The following FAM118A variants were observed in gnomAD, a reference collection of about 807,000 sequenced individuals.
FAM118A encodes the protein protein FAM118A.
Under a neutral mutation model 38.2 loss-of-function variants are expected in FAM118A, and 25 were observed. The ratio of observed to expected loss-of-function variants is 0.65; its 90% CI spans 0.48 to 0.91. The LOEUF (loss-of-function observed/expected upper bound fraction) is 0.91, where lower values mean the gene tolerates loss of function less well. Ranked by LOEUF, FAM118A falls within the 40% of genes least tolerant of loss-of-function variation. The pLI is 0.00. For missense variants in FAM118A, 425 were observed against 463.3 expected (o/e 0.92, Z 0.76); for synonymous variants, 178 against 184.1 (o/e 0.97, Z 0.27).
chr22:45,340,935 TG>T lies in FAM118A; in HGVS notation c.*533del, dbSNP rs2086428993. The T allele has an allele frequency of 6.5e-6, 1 of 153,154 alleles. No individual in the cohort carries two copies. The highest frequency in any genetic ancestry group is 1.5e-5 in the Non-Finnish European group (1 of 68,862). 9.5% of individuals were successfully genotyped at this position (153,154 alleles called of 1,614,324 possible). Reference sequence around the variant, plus strand: ...CTCCTGCCTCAGCCTCCCGAGTAGCTGGGATTACAGGCGTCCACCACCATGC... The same window carrying T: ...CTCCTGCCTCAGCCTCCCGAGTAGCTGGATTACAGGCGTCCACCACCATGC... On this transcript the variant is annotated 3_prime_UTR_variant, in exon 9 of 9. Coordinates refer to ENST00000441876, the MANE Select transcript of FAM118A (RefSeq NM_017911.4).
Position 45,327,828 on chromosome 22 carries a change from C to A in FAM118A, c.301-14C>A. 1.2e-6 allele frequency: 2 copies of A among 1,613,898 alleles called. No homozygotes were observed. Among genetic ancestry groups the A allele is most frequent in the Non-Finnish European group, 1.7e-6 (2 of 1,179,776 alleles). On this transcript the variant is annotated splice_polypyrimidine_tract_variant and intron_variant, in intron 3 of 8. Transcript: ENST00000441876. ...AGCTGATGTTTTGGTAACTGTCGTTCCACCTTTTTGTAGCGCACAGGCGAT... is the reference window on the plus strand; with the variant it reads ...AGCTGATGTTTTGGTAACTGTCGTTACACCTTTTTGTAGCGCACAGGCGAT...
In FAM118A at chr22:45,312,915, G is replaced by A. The variant is rs527793315; in HGVS notation, c.-10+2732G>A. Among the ~76,000 whole-genome samples, 193 of 152,214 alleles carry A rather than the reference G, an allele frequency of 1.3e-3. 1 individual carries two copies. The highest frequency in any genetic ancestry group is 4.5e-3 in the African/African-American group (186 of 41,512). On this transcript the variant is annotated intron_variant, in intron 1 of 8. Transcript: ENST00000441876. ...TATGCCTTTTATGGAGACGACTTAAGCATGTAGGCATGCTTAATTAAACCA... is the reference window on the plus strand; with the variant it reads ...TATGCCTTTTATGGAGACGACTTAAACATGTAGGCATGCTTAATTAAACCA...
At chr22:45,321,386 C>T (rs938867866) in intron 1 of FAM118A, among the ~76,000 whole-genome samples, 29 of 151,870 alleles carry the variant, frequency 1.9e-4, no homozygotes, top group African/African-American at 6.3e-4. Context: ...TGGGGGGAAA[C>T]GCGATTTTGG....
Position 45,313,065 on chromosome 22 carries a change from C to A in FAM118A, c.-10+2882C>A, listed in dbSNP as rs538021848. Among the ~76,000 whole-genome samples the A allele has an allele frequency of 7.9e-5, 12 of 152,198 alleles. No individual in the cohort carries two copies. The South Asian group carries it at 2.5e-3, about 32-fold the overall frequency. ...GTGATAAGCCCCCTTCTGAAGCTGCCCAGGGCCTATCTGCGTCAATCAGCT... is the reference window on the plus strand; with the variant it reads ...GTGATAAGCCCCCTTCTGAAGCTGCACAGGGCCTATCTGCGTCAATCAGCT... On this transcript the variant is annotated intron_variant, in intron 1 of 8. Coordinates refer to ENST00000441876, the MANE Select transcript of FAM118A (RefSeq NM_017911.4).
intron 3 of FAM118A, 148 bp downstream of exon 3, chr22:45,323,575 T>C: frequency 9.7e-7 from 1 of 1,030,668 alleles, no homozygotes; most frequent in Non-Finnish European, 1.4e-6. Context: ...CTTGAGTCCA[T>C]CGGGGTGTCG....
Position 45,336,316 on chromosome 22 carries a change from C to T in FAM118A, c.971-12C>T. 1 of 1,605,704 alleles carries T rather than the reference C, an allele frequency of 6.2e-7. No homozygotes were observed. Among genetic ancestry groups the T allele is most frequent in the South Asian group, 1.1e-5 (1 of 90,636 alleles). ...GAATAAACAAGCTTCTTAATAAATT[C>T]TTCTCTTTTAGGTAATGCATGCCAG... On this transcript the variant is annotated splice_polypyrimidine_tract_variant and intron_variant, in intron 7 of 8. Coordinates refer to ENST00000441876, the MANE Select transcript of FAM118A (RefSeq NM_017911.4).
rs555923027 is a variant in FAM118A at position 45,313,839 on chromosome 22, C to T, written c.-10+3656C>T. On this transcript the variant is annotated intron_variant, in intron 1 of 8. Transcript: ENST00000441876. ...TGGCCGCCGAACACTGAAAATATGA[C>T]TAATGTGACGCAGCTGTTTAATTTT... 3.9e-5 allele frequency among the ~76,000 whole-genome samples: 6 copies of T among 152,296 alleles called. No individual in the cohort carries two copies. In the East Asian group the frequency reaches 9.6e-4, roughly 24 times the overall value.
intron 1 of FAM118A, among the ~76,000 whole-genome samples, chr22:45,312,927 G>A (rs1216192453): frequency 2.6e-5 from 4 of 152,146 alleles, no homozygotes; most frequent in Non-Finnish European, 5.9e-5. Flanking sequence ...ATGTAGGCAT[G>A]CTTAATTAAA....
chr22:45,314,226 G>C lies in FAM118A; in HGVS notation c.-10+4043G>C, dbSNP rs985272744. 3.0e-4 allele frequency among the ~76,000 whole-genome samples: 45 copies of C among 152,278 alleles called. 1 individual carries two copies. The highest frequency in any genetic ancestry group is 2.5e-3 in the East Asian group (13 of 5,182). On this transcript the variant is annotated intron_variant, in intron 1 of 8. Coordinates refer to ENST00000441876, the MANE Select transcript of FAM118A (RefSeq NM_017911.4). ...TATCTGTTCCCACCCCGCCCCCCAAGCTAACATGGACAGTTGAATGATAAG... is the reference window on the plus strand; with the variant it reads ...TATCTGTTCCCACCCCGCCCCCCAACCTAACATGGACAGTTGAATGATAAG...
At chr22:45,311,193 A>T (rs138055608) in intron 1 of FAM118A, among the ~76,000 whole-genome samples, 134 of 152,250 alleles carry the variant, frequency 8.8e-4, no homozygotes, top group African/African-American at 3.2e-3. Flanking sequence ...CTAGAGGAGA[A>T]GTTTGCCAGG....
At chr22:45,338,616 T>A (rs907334395) in intron 8 of FAM118A, among the ~76,000 whole-genome samples, 2 of 152,278 alleles carry the variant, frequency 1.3e-5, no homozygotes, top group African/African-American at 4.8e-5. Flanking sequence ...CCTGGTTATC[T>A]GACTCTACTA....
intron 3 of FAM118A, among the ~76,000 whole-genome samples, chr22:45,324,379 G>A (rs553026748): frequency 4.6e-5 from 7 of 152,334 alleles, no homozygotes; most frequent in Admixed American, 2.0e-4. Flanking sequence ...ATGTGCGTGC[G>A]CGGGGAGTGC....
intron 2 of FAM118A, 79 bp from the exon 3 acceptor site, chr22:45,323,096 C>T: frequency 6.6e-7 from 1 of 1,509,358 alleles, no homozygotes; most frequent in South Asian, 1.2e-5. Flanking sequence ...AAGGCCGGAA[C>T]TCGCAGACAG....
chr22:45,336,340 A>G lies in FAM118A; in HGVS notation c.983A>G (p.Gln328Arg). The stretch of plus-strand genomic sequence containing the variant: ...TCTTCTCTTTTAGGTAATGCATGCC[A>G]GGACTGTGCAAAGAGGAAGTTAGAA... ...DSTTLLGNAC[Q>R]DCAKRKLEEN... Residue 328 changes from glutamine (Q) to arginine (R), a missense_variant, in exon 8 of 9, where the codon CAG becomes CGG. By Grantham distance (43) the Gln-to-Arg change is conservative. Transcript: ENST00000441876. 1 of 1,613,700 alleles carries G rather than the reference A, an allele frequency of 6.2e-7. No individual in the cohort carries two copies. The highest frequency in any genetic ancestry group is 2.2e-5 in the East Asian group (1 of 44,878).
At chr22:45,311,381 G>A (rs564614403) in intron 1 of FAM118A, among the ~76,000 whole-genome samples, 29 of 152,312 alleles carry the variant, frequency 1.9e-4, no homozygotes, top group African/African-American at 7.0e-4. Flanking sequence ...CCGTGCCCTT[G>A]GCCCTTTCTT....
chr22:45,340,403 T>G lies in FAM118A; in HGVS notation c.1072T>G (p.Ter358GlyextTer15), dbSNP rs1414276369. 3.1e-6 allele frequency: 5 copies of G among 1,614,210 alleles called. No homozygotes were observed. ...QSDTDDAGGS[*>G] is the part of the protein sequence containing the mutation. Reference sequence around the variant, plus strand: ...TTAAACAGATGATGCTGGAGGGTCTTGAAATCTTTACAGTAAAACCTGCAA... The same window carrying G: ...TTAAACAGATGATGCTGGAGGGTCTGGAAATCTTTACAGTAAAACCTGCAA... Residue 358 changes from the stop codon to glycine (G), a stop_lost, in exon 9 of 9, where the codon TGA (stop) becomes GGA (glycine). Transcript: ENST00000441876.
Position 45,314,445 on chromosome 22 carries a change from G to C in FAM118A, c.-10+4262G>C, listed in dbSNP as rs115758605. 1.9e-3 allele frequency among the ~76,000 whole-genome samples: 291 copies of C among 152,364 alleles called. 1 individual carries two copies. Among genetic ancestry groups the C allele is most frequent in the African/African-American group, 6.5e-3 (272 of 41,584 alleles). Reference sequence around the variant, plus strand: ...AAAGTGTTGGGGTCACAGTGGACCAGACAATGCCCAGGCCGGTGGGAAGGG... The same window carrying C: ...AAAGTGTTGGGGTCACAGTGGACCACACAATGCCCAGGCCGGTGGGAAGGG... On this transcript the variant is annotated intron_variant, in intron 1 of 8. Coordinates refer to ENST00000441876, the MANE Select transcript of FAM118A (RefSeq NM_017911.4).
chr22:45,327,500 C>T (rs1312556946), intron 3 of FAM118A, among the ~76,000 whole-genome samples: 2 of 152,156 alleles, frequency 1.3e-5, no homozygotes, highest in Non-Finnish European at 1.5e-5. Flanking sequence ...GGCCCTTGCT[C>T]TTCCCTCTGC....
intron 1 of FAM118A, among the ~76,000 whole-genome samples, chr22:45,315,973 G>A (rs104664): frequency 0.88 from 133,767 of 152,210 alleles, 58,936 homozygotes; most frequent in African/African-American, 0.94. Context: ...CCTATCAGCT[G>A]GATCGCAGAT....
Sources: gnomAD v4.1 joint callset for allele counts (sites outside exome capture counted in the v4.1 genomes callset) on GRCh38, gnomAD v4.1.1 for gene constraint, MANE v1.5 for transcripts, NCBI Gene and HGNC (gene_info 2026-07-23, HGNC 2026-07-21) for gene names.